XDH: variants seen among roughly 807,000 people sequenced by gnomAD.
XDH encodes the protein xanthine dehydrogenase, also known as xanthine dehydrogenase/oxidase.
In XDH, 138 loss-of-function variants were observed where a neutral mutation model predicts 156.1. The observed-to-expected ratio is 0.88, with a 90% CI of 0.77 to 1.02. The LOEUF is 1.02. Ranked by LOEUF, XDH falls within the 50% of genes least tolerant of loss-of-function variation. XDH has a pLI of 0.00. For synonymous variants in XDH, 669 were observed against 625.7 expected (o/e 1.07, Z -1.03); for missense variants, 1,849 against 1,684.9 (o/e 1.10, Z -1.71).
chr2:31,335,619 C>A lies in XDH; in HGVS notation c.*339G>T. On this transcript the variant is annotated 3_prime_UTR_variant, in exon 36 of 36. Coordinates refer to ENST00000379416, the MANE Select transcript of XDH (RefSeq NM_000379.4). Reference sequence around the variant, plus strand: ...GGAATCCTCTTCAAAGGACAGACACCATCAGAACTTGAGGTTATACAGGCT... The same window carrying A: ...GGAATCCTCTTCAAAGGACAGACACAATCAGAACTTGAGGTTATACAGGCT... 4.8e-6 allele frequency: 2 copies of A among 416,160 alleles called. No individual in the cohort carries two copies. The highest frequency in any genetic ancestry group is 2.3e-5 in the South Asian group (1 of 43,726). The allele number at this position is 416,160 out of a possible 1,614,324, so 25.8% of individuals were successfully genotyped here. A position where few individuals can be genotyped will look rare whatever the true frequency, so the allele number is the denominator to read the frequency against.
chr2:31,388,800 G>A (rs1380017279), intron 6 of XDH, among the ~76,000 whole-genome samples: 2 of 152,296 alleles, frequency 1.3e-5, no homozygotes, highest in African/African-American at 2.4e-5. Flanking sequence ...CAGCCAGTGT[G>A]CCCAATGGCC....
At chr2:31,388,829 C>T (rs969896149) in intron 6 of XDH, among the ~76,000 whole-genome samples, 3 of 152,350 alleles carry the variant, frequency 2.0e-5, no homozygotes, top group African/African-American at 7.2e-5. Flanking sequence ...GCTTATTAGG[C>T]ACTTCTTCCC....
At chr2:31,412,210 C>T (rs1173301610) in intron 1 of XDH, among the ~76,000 whole-genome samples, 1 of 152,194 alleles carries the variant, frequency 6.6e-6, no homozygotes, top group East Asian at 1.9e-4. Flanking sequence ...TTGACTCTGA[C>T]TCTAGAACAA....
Position 31,413,597 on chromosome 2 carries a change from C to G in XDH, c.42+1028G>C, listed in dbSNP as rs1687397351. ...GAGTCCAGTGAAGCACATTATTGTTCTTGAAAATTATACCAAAAGTCACTC... is the reference window on the plus strand; with the variant it reads ...GAGTCCAGTGAAGCACATTATTGTTGTTGAAAATTATACCAAAAGTCACTC... On this transcript the variant is annotated intron_variant, in intron 1 of 35. Transcript: ENST00000379416. Among the ~76,000 whole-genome samples the G allele has an allele frequency of 2.0e-5, 3 of 152,154 alleles. No individual in the cohort carries two copies. The South Asian group carries it at 6.2e-4, about 32-fold the overall frequency.
At chr2:31,339,365 T>C (rs941292204) in intron 34 of XDH, 124 bp downstream of exon 34, 39 of 1,343,648 alleles carry the variant, frequency 2.9e-5, no homozygotes, top group Non-Finnish European at 3.8e-5. Context: ...TGTCAAACCA[T>C]CTTCCCTCCT....
chr2:31,365,333 T>A, intron 23 of XDH, 124 bp downstream of exon 23: 1 of 988,636 alleles, frequency 1.0e-6, no homozygotes, highest in Non-Finnish European at 1.6e-6. Flanking sequence ...TCTTGCTATA[T>A]CTTATTTGAA....
In XDH at chr2:31,349,812, T is replaced by C. The variant is rs1213037771; in HGVS notation, c.2843A>G (p.Tyr948Cys). The stretch of plus-strand genomic sequence containing the variant: ...GAAGTGTGTCAGGTCCCCTTCTTTG[T>C]ACAGGTTTTTTCTCCGCACCTTCCC... ...PAEEVRRKNL[Y>C]KEGDLTHFNQ... Residue 948 changes from tyrosine to cysteine, a missense_variant, in exon 26 of 36, where the codon TAC becomes TGC. By Grantham distance (194) the Tyr-to-Cys change is radical (BLOSUM62 -2). Transcript: ENST00000379416. The C allele has an allele frequency of 6.2e-7, 1 of 1,613,930 alleles. No homozygotes were observed. The highest frequency in any genetic ancestry group is 1.3e-5 in the African/African-American group (1 of 74,884).
In XDH at chr2:31,383,070, C is replaced by T; in HGVS notation, c.969G>A (p.Lys323=). 2 of 1,614,166 alleles carry T rather than the reference C, an allele frequency of 1.2e-6. No individual in the cohort carries two copies. The highest frequency in any genetic ancestry group is 1.7e-6 in the Non-Finnish European group (2 of 1,180,028). Residue 323 remains lysine, a synonymous_variant, in exon 11 of 36, where the codon AAG becomes AAA. Transcript: ENST00000379416. ...VDAVAKLPAQ[K]TEVFRGVLEQ... is the part of the protein sequence containing the mutation. ...CCAGGACCCCTCTGAACACCTCTGT[C>T]TTTTGGGCAGGAAGCTTAGCAACAG...
At position 31,379,914 on chromosome 2, in the gene XDH, T is replaced by A; in HGVS notation, c.1195A>T (p.Ser399Cys). The A allele has an allele frequency of 6.2e-7, 1 of 1,614,164 alleles. No individual in the cohort carries two copies. Among genetic ancestry groups the A allele is most frequent in the Non-Finnish European group, 8.5e-7 (1 of 1,180,030 alleles). Residue 399 changes from serine to cysteine, a missense_variant, in exon 13 of 36, where the codon AGC becomes TGC. Coordinates refer to ENST00000379416, the MANE Select transcript of XDH (RefSeq NM_000379.4). ...FFPGYRKTLLSPEEILLSIEI... is the reference protein window; with the variant it reads ...FFPGYRKTLLCPEEILLSIEI... ...ATGGAGAGCAGTATCTCCTCCGGGC[T>A]CAGCAGGGTCTTTCTGTAGCCAGGG...
chr2:31,350,423 C>A (rs1230155135), intron 24 of XDH, among the ~76,000 whole-genome samples, 200 bp from the exon 25 acceptor site: 1 of 119,762 alleles, frequency 8.3e-6, no homozygotes, highest in African/African-American at 3.2e-5. Flanking sequence ...TGTCACCAGG[C>A]TGGAGTGCAG....
chr2:31,369,428 C>T (rs949208320), intron 18 of XDH, among the ~76,000 whole-genome samples: 5 of 152,078 alleles, frequency 3.3e-5, no homozygotes, highest in South Asian at 2.1e-4. Flanking sequence ...CCAACATCCC[C>T]GAAAAAGTAA....
In XDH at chr2:31,373,894, TG is replaced by T. The variant is rs777123723; in HGVS notation, c.1664del (p.Pro555GlnfsTer67). ...TCACTTGGAAGAGCTGGACATCGGC[TG>T]GGGGGTCTTTCTGAAACAGTAAAGT... is the stretch of plus-strand genomic sequence containing the variant. ...SATLLFQKDP[P>X]ADVQLFQEVP... On this transcript the variant is annotated frameshift_variant, in exon 16 of 36. Transcript: ENST00000379416. LOFTEE classifies it high-confidence loss of function. 2.5e-6 allele frequency: 4 copies of T among 1,613,898 alleles called. No homozygotes were observed. Among genetic ancestry groups the T allele is most frequent in the Non-Finnish European group, 3.4e-6 (4 of 1,179,850 alleles).
chr2:31,357,708 T>C (rs1027967984), intron 24 of XDH, among the ~76,000 whole-genome samples: 4 of 151,906 alleles, frequency 2.6e-5, no homozygotes, highest in African/African-American at 4.8e-5. Flanking sequence ...AAGAGTAGAA[T>C]TGAAATGTTC....
chr2:31,339,550 A>G lies in XDH; in HGVS notation c.3713T>C (p.Ile1238Thr), dbSNP rs748017639. ...GCGGAGCAGGGACACCCTGAACTCA[A>G]TGGGGATGCTGCCAAATGCCGGGAT... The part of the protein sequence containing the change: ...YKIPAFGSIP[I>T]EFRVSLLRDC... The change falls in exon 34 of 36, where the codon ATT becomes ACT. Residue 1238 changes from isoleucine to threonine, a missense_variant. Coordinates refer to ENST00000379416, the MANE Select transcript of XDH (RefSeq NM_000379.4). The G allele has an allele frequency of 4.3e-6, 7 of 1,614,066 alleles. No homozygotes were observed. In the African/African-American group the frequency reaches 9.3e-5, roughly 22 times the overall value.
Position 31,348,861 on chromosome 2 carries a change from G to GTCCATT in XDH, c.3051+37_3051+38insAATGGA, listed in dbSNP as rs779795978. 39 of 1,576,966 alleles carry GTCCATT rather than the reference G, an allele frequency of 2.5e-5. No homozygotes were observed. In the Admixed American group the frequency reaches 3.0e-4, roughly 12 times the overall value. ...TAAACAACAGGGAAATGGGGTCCCA[G>GTCCATT]TCCAGCGGAGATGGACACAATTCTA... On this transcript the variant is annotated intron_variant, in intron 27 of 35. Coordinates refer to ENST00000379416, the MANE Select transcript of XDH (RefSeq NM_000379.4).
At position 31,368,555 on chromosome 2, in the gene XDH, T is replaced by C. The variant is rs1558689886; in HGVS notation, c.2086A>G (p.Ile696Val). 2 of 1,614,202 alleles carry C rather than the reference T, an allele frequency of 1.2e-6. No homozygotes were observed. Among genetic ancestry groups the C allele is most frequent in the Non-Finnish European group, 1.7e-6 (2 of 1,180,030 alleles). Reference sequence around the variant, plus strand: ...TTCTCAGTTACCTCAATTGTGATAATGGCTGGTAGTTCTTCATAGGTGATT... The same window carrying C: ...TTCTCAGTTACCTCAATTGTGATAACGGCTGGTAGTTCTTCATAGGTGATT... The part of the protein sequence containing the change: ...VKITYEELPA[I>V]ITIEDAIKNN... The change falls in exon 19 of 36, where the codon ATT becomes GTT. Residue 696 changes from isoleucine (I) to valine (V), a missense_variant. Transcript: ENST00000379416.
In XDH at chr2:31,335,129, C is replaced by T. The variant is rs886055944; in HGVS notation, c.*829G>A. 5.3e-5 allele frequency: 8 copies of T among 152,196 alleles called. No individual in the cohort carries two copies. Among genetic ancestry groups the T allele is most frequent in the Non-Finnish European group, 1.2e-4 (8 of 68,054 alleles). 9.4% of individuals were successfully genotyped at this position (152,196 alleles called of 1,614,324 possible). ...CAAGCAATTCTCCTGCCTTAGCCTC[C>T]CAAAGTGCTGGGATTATAGGGGTGA... On this transcript the variant is annotated 3_prime_UTR_variant, in exon 36 of 36. Coordinates refer to ENST00000379416, the MANE Select transcript of XDH (RefSeq NM_000379.4).
At chr2:31,412,798 A>T (rs1687377766) in intron 1 of XDH, among the ~76,000 whole-genome samples, 1 of 152,146 alleles carries the variant, frequency 6.6e-6, no homozygotes, top group Non-Finnish European at 1.5e-5. Flanking sequence ...TTTTTACAGC[A>T]TTGCTTTCAC....
chr2:31,413,813 G>C (rs183771864), intron 1 of XDH, among the ~76,000 whole-genome samples: 1 of 152,238 alleles, frequency 6.6e-6, no homozygotes, highest in East Asian at 1.9e-4. Context: ...ACAGGTATGA[G>C]CATCTCAGCA....
Sources: gnomAD v4.1 joint callset for allele counts (sites outside exome capture counted in the v4.1 genomes callset) on GRCh38, gnomAD v4.1.1 for gene constraint, MANE v1.5 for transcripts, NCBI Gene and HGNC (gene_info 2026-07-23, HGNC 2026-07-21) for gene names.